Variants in RAB44 observed in about 807,000 individuals in gnomAD.
RAB44 encodes the protein ras-related protein Rab-44.
Under a neutral mutation model 93.3 loss-of-function variants are expected in RAB44, and 67 were observed. The ratio of observed to expected loss-of-function variants is 0.72; its 90% CI spans 0.59 to 0.88. The LOEUF is 0.88. Ranked by LOEUF, RAB44 falls within the 40% of genes least tolerant of loss-of-function variation. The probability of loss-of-function intolerance (pLI) is 0.00; values close to 1 mark genes in which losing one functional copy is unlikely to be tolerated. For synonymous variants in RAB44, 427 were observed against 520.3 expected, an observed-to-expected ratio of 0.82 and a Z score of 2.44; for missense variants, 1,064 against 1,261.7, an observed-to-expected ratio of 0.84 and a Z score of 2.37.
intron 1 of RAB44, among the ~76,000 whole-genome samples, chr6:36,700,815 C>T (rs1762491621): frequency 6.6e-6 from 1 of 152,230 alleles, no homozygotes; most frequent in South Asian, 2.1e-4. Flanking sequence ...AAGGCTGGAA[C>T]TGCCAGGCCA....
In RAB44 at chr6:36,728,669, GTGTGGCTGACAGAACA is replaced by G. The variant is rs1562068724; in HGVS notation, c.2797-27_2797-12del. ...GTGCCAGGAGCCTGGCACACAGTGGGTGTGGCTGACAGAACATGTTCTGTGTGCAGGATGCAGGGTC... is the reference window on the plus strand; with the variant it reads ...GTGCCAGGAGCCTGGCACACAGTGGGTGTTCTGTGTGCAGGATGCAGGGTC... On this transcript the variant is annotated splice_polypyrimidine_tract_variant and intron_variant, in intron 11 of 13. Transcript: ENST00000612677. 1 of 1,531,258 alleles carries G rather than the reference GTGTGGCTGACAGAACA, an allele frequency of 6.5e-7. No individual in the cohort carries two copies. Among genetic ancestry groups the G allele is most frequent in the Non-Finnish European group, 8.9e-7 (1 of 1,129,384 alleles). The allele number at this position is 1,531,258 out of a possible 1,614,324, so 94.9% of individuals were successfully genotyped here. A position where few individuals can be genotyped will look rare whatever the true frequency, so the allele number is the denominator to read the frequency against.
At chr6:36,711,191 T>C (rs1170426701) in intron 2 of RAB44, among the ~76,000 whole-genome samples, 3 of 152,262 alleles carry the variant, frequency 2.0e-5, no homozygotes, top group South Asian at 2.1e-4. Context: ...CTGGAAGTTA[T>C]AATTACTGTT....
chr6:36,720,494 G>A lies in RAB44; in HGVS notation c.960G>A (p.Arg320=). ...EEVRGQLQVT[R]GRLDAARGRV... is the part of the protein sequence containing the mutation. ...TGCGGGGGCAGCTGCAGGTGACCAG[G>A]GGGCGCCTGGACGCCGCCAGGGGCC... Residue 320 remains arginine, a synonymous_variant, in exon 8 of 14, where the codon AGG becomes AGA. Transcript: ENST00000612677. 1 of 1,233,378 alleles carries A rather than the reference G, an allele frequency of 8.1e-7. No homozygotes were observed. The highest frequency in any genetic ancestry group is 1.0e-6 in the Non-Finnish European group (1 of 988,278). 76.4% of individuals were successfully genotyped at this position (1,233,378 alleles called of 1,614,324 possible).
intron 3 of RAB44, among the ~76,000 whole-genome samples, chr6:36,715,145 T>A (rs236493): frequency 6.6e-6 from 1 of 151,698 alleles, no homozygotes; most frequent in African/African-American, 2.4e-5. Flanking sequence ...TAGAATGTCA[T>A]CTCCATGTTA....
chr6:36,724,565 GCCT>G, intron 9 of RAB44, among the ~76,000 whole-genome samples: 1 of 152,238 alleles, frequency 6.6e-6, no homozygotes, highest in East Asian at 1.9e-4. Flanking sequence ...TTAGAATGGA[GCCT>G]CCTCCTTTAT....
At chr6:36,718,911 A>AT (rs34442767) in intron 7 of RAB44, among the ~76,000 whole-genome samples, 1,983 of 143,414 alleles carry the variant, frequency 0.014, 47 homozygotes, top group African/African-American at 0.041. Context: ...ACCCTGCCCC[A>AT]TTTTTTTTTT....
chr6:36,704,323 G>C lies in RAB44; in HGVS notation c.88G>C (p.Gly30Arg). The C allele has an allele frequency of 1.3e-6, 2 of 1,536,154 alleles. No individual in the cohort carries two copies. The highest frequency in any genetic ancestry group is 1.7e-6 in the Non-Finnish European group (2 of 1,146,920). The change falls in exon 2 of 14, where the codon GGC becomes CGC. Residue 30 changes from glycine (G) to arginine (R), a missense_variant. By Grantham distance (125) the Gly-to-Arg change is moderately radical. Transcript: ENST00000612677. ...RQTREPADGE[G>R]AAVAPEPESW... Reference sequence around the variant, plus strand: ...GACAAGAGAGCCAGCTGATGGTGAAGGCGCTGCAGTGGCCCCAGAGCCAGA... The same window carrying C: ...GACAAGAGAGCCAGCTGATGGTGAACGCGCTGCAGTGGCCCCAGAGCCAGA...
At position 36,715,541 on chromosome 6, in the gene RAB44, A is replaced by G; in HGVS notation, c.382A>G (p.Lys128Glu). ...RLRRRKPLPS[K>E]RVSATTSFPA... ...CCGCAGAAGGAAGCCACTGCCCTCT[A>G]AGCGGGTATCTGCTACCACCAGCTT... The change falls in exon 4 of 14, where the codon AAG (lysine) becomes GAG (glutamate). Residue 128 changes from lysine to glutamate, a missense_variant. Transcript: ENST00000612677. The G allele has an allele frequency of 6.5e-7, 1 of 1,536,168 alleles. No individual in the cohort carries two copies. Among genetic ancestry groups the G allele is most frequent in the African/African-American group, 1.4e-5 (1 of 73,176 alleles).
chr6:36,705,114 A>AC (rs1332895026), intron 2 of RAB44, among the ~76,000 whole-genome samples: 3 of 148,630 alleles, frequency 2.0e-5, no homozygotes, highest in Non-Finnish European at 4.4e-5. Flanking sequence ...CCATCTCAAA[A>AC]AAAAAAAAAA....
chr6:36,718,970 T>C (rs981062562), intron 7 of RAB44, among the ~76,000 whole-genome samples: 2 of 151,804 alleles, frequency 1.3e-5, no homozygotes, highest in Admixed American at 6.6e-5. Flanking sequence ...AGTGGCGCAG[T>C]CTTGGCTCAC....
chr6:36,713,988 T>G, intron 3 of RAB44, 49 bp downstream of exon 3: 1 of 1,199,716 alleles, frequency 8.3e-7, no homozygotes, highest in Non-Finnish European at 1.2e-6. Context: ...TTCCGTGCAG[T>G]GTGCCCTGCA....
chr6:36,704,154 G>A, intron 1 of RAB44, 70 bp from the exon 2 acceptor site: 1 of 1,324,954 alleles, frequency 7.5e-7, no homozygotes. Flanking sequence ...TGGGAGCCAG[G>A]GGAGGGTTTT....
chr6:36,731,564 C>T lies in RAB44; in HGVS notation c.2976-439C>T, dbSNP rs1763365090. 1.3e-5 allele frequency among the ~76,000 whole-genome samples: 2 copies of T among 152,076 alleles called. No homozygotes were observed. Among genetic ancestry groups the T allele is most frequent in the African/African-American group, 2.4e-5 (1 of 41,402 alleles). On this transcript the variant is annotated intron_variant, in intron 13 of 13. Transcript: ENST00000612677. The surrounding 1 kb of genome is among the most constrained non-coding windows in gnomAD (Gnocchi z 4.0). ...TCCAAGCTCTCTCGGCACTGAGCCGCGCCATGGCCCTCTGCTTGGGATGCA... is the reference window on the plus strand; with the variant it reads ...TCCAAGCTCTCTCGGCACTGAGCCGTGCCATGGCCCTCTGCTTGGGATGCA...
chr6:36,718,265 G>A, intron 6 of RAB44, 147 bp downstream of exon 6: 1 of 517,580 alleles, frequency 1.9e-6, no homozygotes, highest in Non-Finnish European at 3.0e-6. Context: ...GTGTTCCCCA[G>A]AGAGACGAGG....
Position 36,713,910 on chromosome 6 carries a change from T to C in RAB44, c.290T>C (p.Leu97Pro). The change falls in exon 3 of 14, where the codon CTG becomes CCG. Residue 97 changes from leucine (L) to proline (P), a missense_variant. Transcript: ENST00000612677. Reference sequence around the variant, plus strand: ...GTGGATGTGGAGCGGAAGGGACACCTGTCCCTTGAAGAATTCAGCTCTGGA... The same window carrying C: ...GTGGATGTGGAGCGGAAGGGACACCCGTCCCTTGAAGAATTCAGCTCTGGA... ...DWVDVERKGH[L>P]SLEEFSSGLK... 6.5e-7 allele frequency: 1 copy of C among 1,535,262 alleles called. No individual in the cohort carries two copies. The highest frequency in any genetic ancestry group is 2.4e-5 in the East Asian group (1 of 40,896).
chr6:36,703,852 T>C (rs1304959574), intron 1 of RAB44, among the ~76,000 whole-genome samples: 1 of 152,128 alleles, frequency 6.6e-6, no homozygotes, highest in African/African-American at 2.4e-5. Context: ...TGGAAAACCC[T>C]GTGTAACCAC....
rs1216863187 is a variant in RAB44, at chr6:36,721,446, G to GT, written c.1313dup (p.Thr439AspfsTer8). The GT allele has an allele frequency of 1.6e-6, 2 of 1,234,450 alleles. No homozygotes were observed. Among genetic ancestry groups the GT allele is most frequent in the African/African-American group, 3.1e-5 (2 of 64,592 alleles). The allele number at this position is 1,234,450 out of a possible 1,614,324, so 76.5% of individuals were successfully genotyped here. Reference sequence around the variant, plus strand: ...TGGGGCTCCAAGGACCCCACCTGGGGTGACTTTCAGCGCCAAGGACAATAA... The same window carrying GT: ...TGGGGCTCCAAGGACCCCACCTGGGGTTGACTTTCAGCGCCAAGGACAATAA... On this transcript the variant is annotated frameshift_variant, in exon 9 of 14. Transcript: ENST00000612677. LOFTEE classifies it high-confidence loss of function.
intron 2 of RAB44, among the ~76,000 whole-genome samples, chr6:36,709,598 C>T (rs1372432678): frequency 1.3e-5 from 2 of 152,136 alleles, no homozygotes; most frequent in African/African-American, 2.4e-5. Context: ...CTCTGTTGTC[C>T]GGGCTGTAGT....
intron 2 of RAB44, among the ~76,000 whole-genome samples, chr6:36,712,742 T>C (rs1364559342): frequency 6.6e-6 from 1 of 151,374 alleles, no homozygotes. Flanking sequence ...AGCAAACCAG[T>C]TTTTCTGTTA....
Sources: allele counts gnomAD v4.1 joint callset (sites outside exome capture counted in the v4.1 genomes callset), GRCh38; gene constraint gnomAD v4.1.1; non-coding constraint Gnocchi (gnomAD v3.1); transcripts MANE v1.5; gene names NCBI Gene and HGNC (gene_info 2026-07-23, HGNC 2026-07-21).